Variants in PTPN1 observed in about 807,000 individuals in gnomAD.
PTPN1 encodes protein tyrosine phosphatase non-receptor type 1.
In PTPN1, 12 loss-of-function variants were observed where a neutral mutation model predicts 59.9. That is an observed-to-expected ratio of 0.20 (90% CI 0.13 to 0.32). The LOEUF (loss-of-function observed/expected upper bound fraction) is 0.32. PTPN1 is among the 10% of genes least tolerant of loss of function. The pLI is 1.00. For synonymous variants in PTPN1, 178 were observed against 203.6 expected (o/e 0.87, Z 1.07); for missense variants, 356 against 549.2 (o/e 0.65, Z 3.52).
rs551204519 is a variant in PTPN1 at position 50,560,393 on chromosome 20, A to G, written c.64-970A>G. 2.6e-5 allele frequency among the ~76,000 whole-genome samples: 4 copies of G among 152,200 alleles called. No homozygotes were observed. In the South Asian group the frequency reaches 6.2e-4, roughly 24 times the overall value. ...GGTCTTCCCAGATGGCTCTACCTTT[A>G]TCCCCTGCAGGGAATCCCACTCCTC... is the stretch of plus-strand genomic sequence containing the variant. On this transcript the variant is annotated intron_variant, in intron 1 of 9. Transcript: ENST00000371621.
intron 4 of PTPN1, chr20:50,571,432 G>C (rs1376282231): frequency 6.6e-6 from 1 of 152,226 alleles, no homozygotes; most frequent in Non-Finnish European, 1.5e-5. Context: ...TTCTGTATCA[G>C]CATTATCCCT....
intron 1 of PTPN1, among the ~76,000 whole-genome samples, chr20:50,513,954 T>C (rs1480259671): frequency 1.3e-5 from 2 of 152,078 alleles, no homozygotes; most frequent in African/African-American, 4.8e-5. Flanking sequence ...TCATCTTGAG[T>C]GACCCATTAG....
intron 1 of PTPN1, among the ~76,000 whole-genome samples, chr20:50,549,469 C>T (rs1032663899): frequency 1.2e-4 from 19 of 152,120 alleles, no homozygotes; most frequent in African/African-American, 4.6e-4. Flanking sequence ...ACTTGTAGCT[C>T]CATTATCTAT....
At chr20:50,565,200 GA>G in intron 3 of PTPN1, 131 bp downstream of exon 3, 1 of 905,042 alleles carries the variant, frequency 1.1e-6, no homozygotes, top group Non-Finnish European at 1.6e-6. Flanking sequence ...AAGCAGCAAG[GA>G]AGGGGGAAAA....
chr20:50,532,027 G>A (rs1234856900), intron 1 of PTPN1, among the ~76,000 whole-genome samples: 13 of 152,178 alleles, frequency 8.5e-5, no homozygotes, highest in South Asian at 8.3e-4. Flanking sequence ...AATAAACTGC[G>A]TCTTCTGGTA....
At chr20:50,512,725 T>G (rs2082512773) in intron 1 of PTPN1, among the ~76,000 whole-genome samples, 1 of 152,248 alleles carries the variant, frequency 6.6e-6, no homozygotes, top group Non-Finnish European at 1.5e-5. Context: ...AGTAGCTCTT[T>G]GTCATACAAC....
intron 1 of PTPN1, among the ~76,000 whole-genome samples, chr20:50,553,720 A>G (rs950122144): frequency 2.0e-5 from 3 of 152,376 alleles, no homozygotes; most frequent in South Asian, 4.1e-4. Flanking sequence ...AAATTAGCAG[A>G]TAAGGACATT....
chr20:50,530,503 C>G (rs1384452740), intron 1 of PTPN1, among the ~76,000 whole-genome samples: 1 of 151,890 alleles, frequency 6.6e-6, no homozygotes, highest in Admixed American at 6.6e-5. Flanking sequence ...GGACTACAGG[C>G]ACATGCCACC....
chr20:50,566,856 T>C (rs557543068), intron 3 of PTPN1, among the ~76,000 whole-genome samples: 1 of 152,224 alleles, frequency 6.6e-6, no homozygotes, highest in African/African-American at 2.4e-5. Flanking sequence ...AGAGCTGCAG[T>C]GACTGGGGTC....
chr20:50,534,367 AT>A (rs954747997), intron 1 of PTPN1, among the ~76,000 whole-genome samples: 66 of 152,268 alleles, frequency 4.3e-4, no homozygotes, highest in African/African-American at 1.6e-3. Flanking sequence ...CACTTACGCC[AT>A]TTTTTTACCG....
At chr20:50,577,708 C>A (rs73119899) in intron 5 of PTPN1, 8,470 of 152,384 alleles carry the variant, frequency 0.056, 256 homozygotes, top group Non-Finnish European at 0.071. Context: ...ACCTTTCAAA[C>A]GTGTCTGCAG....
At chr20:50,553,100 TTA>T (rs60030418) in intron 1 of PTPN1, among the ~76,000 whole-genome samples, 4,930 of 152,286 alleles carry the variant, frequency 0.032, 248 homozygotes, top group African/African-American at 0.11. Context: ...GAAGGAATTT[TTA>T]TGTTTGGTTC....
chr20:50,525,550 C>A (rs1297747741), intron 1 of PTPN1, among the ~76,000 whole-genome samples: 1 of 152,130 alleles, frequency 6.6e-6, no homozygotes, highest in Non-Finnish European at 1.5e-5. Context: ...AAAACATCTC[C>A]CCTTTTTTCC....
chr20:50,523,996 T>C (rs1406747098), intron 1 of PTPN1, among the ~76,000 whole-genome samples: 1 of 152,226 alleles, frequency 6.6e-6, no homozygotes, highest in Admixed American at 6.5e-5. Context: ...CTCTTTGGTC[T>C]TAACCTTTCT....
chr20:50,522,150 C>T (rs1356794668), intron 1 of PTPN1, among the ~76,000 whole-genome samples: 1 of 152,152 alleles, frequency 6.6e-6, no homozygotes, highest in South Asian at 2.1e-4. Flanking sequence ...TCCTTCCCTT[C>T]CCGCCCTTCC....
At chr20:50,579,119 C>T in intron 6 of PTPN1, 49 bp from the exon 7 acceptor site, 1 of 1,584,770 alleles carries the variant, frequency 6.3e-7, no homozygotes, top group Middle Eastern at 1.7e-4. Context: ...ATTAACGTTG[C>T]CCTTGAGAAT....
chr20:50,558,048 T>G (rs1315471002), intron 1 of PTPN1: 1 of 152,258 alleles, frequency 6.6e-6, no homozygotes, highest in Non-Finnish European at 1.5e-5. Context: ...TTGTCCAGAC[T>G]CATCTCAAAC....
chr20:50,581,732 T>TA (rs1312459172), intron 9 of PTPN1, among the ~76,000 whole-genome samples: 1 of 151,834 alleles, frequency 6.6e-6, no homozygotes, highest in Admixed American at 6.6e-5. Flanking sequence ...AAATGCCAAA[T>TA]ACGTCTGTTT....
chr20:50,527,114 G>A (rs1464772069), intron 1 of PTPN1, among the ~76,000 whole-genome samples: 42 of 152,278 alleles, frequency 2.8e-4, no homozygotes, highest in Non-Finnish European at 1.8e-4. Flanking sequence ...AGGGGTTGGT[G>A]ACTCTCGAGG....
Sources: gnomAD v4.1 joint callset for allele counts (sites outside exome capture counted in the v4.1 genomes callset) on GRCh38, gnomAD v4.1.1 for gene constraint, MANE v1.5 for transcripts, NCBI Gene and HGNC (gene_info 2026-07-23, HGNC 2026-07-21) for gene names.